The following DCTN4 variants were observed in gnomAD, a reference collection of about 807,000 sequenced individuals.
DCTN4 encodes dynactin 4 (p62).
DCTN4 carries 23 observed loss-of-function variants against 62.7 expected under a neutral mutation model. The observed-to-expected ratio is 0.37, with a 90% CI of 0.26 to 0.52. The LOEUF is 0.52. DCTN4 is among the 20% of genes least tolerant of loss of function. The pLI, the probability that DCTN4 is intolerant of heterozygous loss-of-function variation, is 0.92. For synonymous variants in DCTN4, 199 were observed against 202.1 expected (o/e 0.98, Z 0.13); for missense variants, 514 against 580.4 (o/e 0.89, Z 1.18).
At chr5:150,742,472 G>C (rs1322459288) in intron 3 of DCTN4, among the ~76,000 whole-genome samples, 1 of 152,198 alleles carries the variant, frequency 6.6e-6, no homozygotes, top group Non-Finnish European at 1.5e-5. Context: ...CTGAGGCTCA[G>C]AGATGTTAAA....
At chr5:150,740,966 A>G (rs961334865) in intron 4 of DCTN4, among the ~76,000 whole-genome samples, 14 of 152,172 alleles carry the variant, frequency 9.2e-5, no homozygotes, top group Admixed American at 9.2e-4. Flanking sequence ...CTCAGGTGAT[A>G]GGTACACCAA....
intron 5 of DCTN4, chr5:150,731,998 G>C: frequency 1.9e-6 from 2 of 1,055,502 alleles, no homozygotes; most frequent in Non-Finnish European, 2.9e-6. Context: ...AGGTTATATG[G>C]GAAAATTGGA....
In DCTN4 at chr5:150,711,487, T is replaced by C. The variant is rs539317012; in HGVS notation, c.1170-125A>G. On this transcript the variant is annotated intron_variant, in intron 12 of 12. Coordinates refer to ENST00000447998, the MANE Select transcript of DCTN4 (RefSeq NM_016221.4). ...ACACACAGAAAACCTATAAACACTT[T>C]GTTCTTAACCTACCAAGTATTTTTT... The C allele has an allele frequency of 8.7e-5, 65 of 746,766 alleles. 2 individuals are homozygous for C. In the South Asian group the frequency reaches 1.2e-3, roughly 13 times the overall value. The allele number at this position is 746,766 out of a possible 1,614,324, so 46.3% of individuals were successfully genotyped here.
intron 11 of DCTN4, among the ~76,000 whole-genome samples, 181 bp downstream of exon 11, chr5:150,718,095 G>A (rs973904856): frequency 5.9e-5 from 9 of 152,210 alleles, no homozygotes; most frequent in Non-Finnish European, 1.3e-4. Flanking sequence ...GGTAAGAAAC[G>A]ATGAGACCTT....
At chr5:150,735,818 A>G (rs1237727323) in intron 4 of DCTN4, among the ~76,000 whole-genome samples, 6 of 152,022 alleles carry the variant, frequency 3.9e-5, no homozygotes, top group Non-Finnish European at 8.8e-5. Context: ...AAAACTCTGA[A>G]TTGTCAGAAA....
intron 8 of DCTN4, among the ~76,000 whole-genome samples, chr5:150,728,791 G>T (rs565817290): frequency 1.7e-3 from 251 of 151,670 alleles, no homozygotes; most frequent in Non-Finnish European, 2.2e-3. Context: ...GACAATGTTT[G>T]TCTTTTAATG....
At chr5:150,744,653 A>C (rs1473759678) in intron 3 of DCTN4, among the ~76,000 whole-genome samples, 1 of 151,794 alleles carries the variant, frequency 6.6e-6, no homozygotes, top group Non-Finnish European at 1.5e-5. Flanking sequence ...CTTAAAGACA[A>C]GAATTTTCAA....
chr5:150,751,445 A>G (rs1752672250), intron 3 of DCTN4, among the ~76,000 whole-genome samples: 1 of 152,150 alleles, frequency 6.6e-6, no homozygotes, highest in Non-Finnish European at 1.5e-5. Flanking sequence ...ACAAACTGAG[A>G]AATCTACTTG....
At chr5:150,728,482 G>T (rs1051675864) in intron 8 of DCTN4, among the ~76,000 whole-genome samples, 2 of 151,816 alleles carry the variant, frequency 1.3e-5, no homozygotes, top group African/African-American at 4.8e-5. Context: ...TTGTTCTCTC[G>T]GTTACTGAGA....
At chr5:150,716,373 A>G (rs982489543) in intron 11 of DCTN4, among the ~76,000 whole-genome samples, 9 of 152,170 alleles carry the variant, frequency 5.9e-5, no homozygotes, top group Non-Finnish European at 8.8e-5. Context: ...CTGGTACCTG[A>G]TACATAAACT....
At chr5:150,725,051 G>A (rs1398780551) in intron 8 of DCTN4, among the ~76,000 whole-genome samples, 6 of 151,426 alleles carry the variant, frequency 4.0e-5, no homozygotes, top group East Asian at 3.9e-4. Flanking sequence ...CCAGCTACAC[G>A]GGAGGCTGAG....
chr5:150,751,193 TATAA>T lies in DCTN4; in HGVS notation c.385+2282_385+2285del, dbSNP rs549879687. Among the ~76,000 whole-genome samples, 473 of 152,264 alleles carry T rather than the reference TATAA, an allele frequency of 3.1e-3. 1 individual carries two copies. The highest frequency in any genetic ancestry group is 0.011 in the African/African-American group (447 of 41,568). On this transcript the variant is annotated intron_variant, in intron 3 of 12. Transcript: ENST00000447998. ...TCTCCGTACATTACAGACAAGTACTTATAAATAAACAAATAGTTCTAACTTAAGT... is the reference window on the plus strand; with the variant it reads ...TCTCCGTACATTACAGACAAGTACTTATAAACAAATAGTTCTAACTTAAGT...
chr5:150,753,014 C>T (rs556609702), intron 3 of DCTN4, among the ~76,000 whole-genome samples: 11 of 152,088 alleles, frequency 7.2e-5, no homozygotes, highest in African/African-American at 2.4e-4. Flanking sequence ...CTACAGGTGC[C>T]CCCACCACGC....
intron 12 of DCTN4, among the ~76,000 whole-genome samples, chr5:150,712,923 T>C (rs1050584057): frequency 6.6e-6 from 1 of 152,238 alleles, no homozygotes; most frequent in African/African-American, 2.4e-5. Flanking sequence ...TTAAATCTAA[T>C]AATGTAAAAT....
chr5:150,753,502 A>G lies in DCTN4; in HGVS notation c.362T>C (p.Val121Ala), dbSNP rs1752752028. Reference protein sequence around the residue: ...CGFCRWTSRDVGMADKSVASG... With the variant: ...CGFCRWTSRDAGMADKSVASG... ...ACCTACAGATTTGTCTGCCATGCCC[A>G]CATCTCTAGACGTCCAGCGACAAAA... Residue 121 changes from valine to alanine, a missense_variant, in exon 3 of 13, where the codon GTG becomes GCG. Transcript: ENST00000447998. 1.2e-6 allele frequency: 2 copies of G among 1,614,178 alleles called. No individual in the cohort carries two copies. The highest frequency in any genetic ancestry group is 3.3e-5 in the Admixed American group (2 of 60,030).
At position 150,758,604 on chromosome 5, in the gene DCTN4, G is replaced by A. The variant is rs916796069; in HGVS notation, c.135+255C>T. Reference sequence around the variant, plus strand: ...CAATTACCAAGCCCCATCGCAGACAGACACGGTCCCTAAGTCAAGTTTGTC... The same window carrying A: ...CAATTACCAAGCCCCATCGCAGACAAACACGGTCCCTAAGTCAAGTTTGTC... On this transcript the variant is annotated intron_variant, in intron 1 of 12. Coordinates refer to ENST00000447998, the MANE Select transcript of DCTN4 (RefSeq NM_016221.4). 7.3e-6 allele frequency: 9 copies of A among 1,229,574 alleles called. No individual in the cohort carries two copies. The South Asian group carries it at 1.0e-4, about 14-fold the overall frequency. The allele number at this position is 1,229,574 out of a possible 1,614,324, so 76.2% of individuals were successfully genotyped here. A position where few individuals can be genotyped will look rare whatever the true frequency, so the allele number is the denominator to read the frequency against.
intron 2 of DCTN4, among the ~76,000 whole-genome samples, chr5:150,756,039 CTTTTTTT>C (rs777641858): frequency 1.6e-5 from 2 of 124,994 alleles, no homozygotes; most frequent in Non-Finnish European, 1.7e-5. Context: ...TTTCATGTGT[CTTTTTTT>C]TTTTTTTTTT....
chr5:150,710,464 A>T lies in DCTN4; in HGVS notation c.*685T>A, dbSNP rs76430591. The stretch of plus-strand genomic sequence containing the variant: ...TTGCTTCTCAAATTCTTCTTAAAAG[A>T]TCCATATTTTACTGGGAAAAAAATT... On this transcript the variant is annotated 3_prime_UTR_variant, in exon 13 of 13. Transcript: ENST00000447998. 0.043 allele frequency: 6,552 copies of T among 152,460 alleles called. 206 individuals are homozygous for T. The highest frequency in any genetic ancestry group is 0.11 in the South Asian group (541 of 4,830). The allele number at this position is 152,460 out of a possible 1,614,324, so 9.4% of individuals were successfully genotyped here.
At position 150,722,888 on chromosome 5, in the gene DCTN4, C is replaced by G; in HGVS notation, c.908+19G>C. On this transcript the variant is annotated intron_variant, in intron 9 of 12. Transcript: ENST00000447998. ...TAACTCAAAACAGTAACTGAAAACA[C>G]CAATCCCAAAATACTTACACAGCGA... 6.2e-7 allele frequency: 1 copy of G among 1,600,442 alleles called. No homozygotes were observed. Among genetic ancestry groups the G allele is most frequent in the Non-Finnish European group, 8.5e-7 (1 of 1,170,670 alleles).
Sources: gnomAD v4.1 joint callset for allele counts (sites outside exome capture counted in the v4.1 genomes callset) on GRCh38, gnomAD v4.1.1 for gene constraint, MANE v1.5 for transcripts, NCBI Gene and HGNC (gene_info 2026-07-23, HGNC 2026-07-21) for gene names.